The following EYA1 variants were observed in gnomAD, a reference collection of about 807,000 sequenced individuals.
The protein encoded by EYA1 is protein phosphatase EYA1.
EYA1 carries 16 observed loss-of-function variants against 82.0 expected under a neutral mutation model. That is an observed-to-expected ratio of 0.20 (90% confidence interval 0.13 to 0.30). The LOEUF (loss-of-function observed/expected upper bound fraction) is 0.30. Among genes scored for constraint, EYA1 ranks in the 10% least tolerant of loss-of-function variants. The pLI is 1.00. For synonymous variants in EYA1, 261 were observed against 264.4 expected, an observed-to-expected ratio of 0.99 and a Z score of 0.12; for missense variants, 633 against 730.7, an observed-to-expected ratio of 0.87 and a Z score of 1.54.
chr8:71,224,278 C>G (rs1260096241), intron 12 of EYA1, among the ~76,000 whole-genome samples: 1 of 152,198 alleles, frequency 6.6e-6, no homozygotes, highest in Non-Finnish European at 1.5e-5. Flanking sequence ...CATGAGAAAA[C>G]TAACACCATA....
intron 3 of EYA1, among the ~76,000 whole-genome samples, chr8:71,347,568 C>T (rs373672766): frequency 9.9e-5 from 15 of 152,088 alleles, no homozygotes; most frequent in South Asian, 4.2e-4. Context: ...GTGCTCTGCC[C>T]GCCTCAGCCT....
intron 7 of EYA1, among the ~76,000 whole-genome samples, chr8:71,303,803 CG>C (rs1281366409): frequency 7.0e-6 from 1 of 142,512 alleles, no homozygotes. Context: ...TAGGCTCGCC[CG>C]TACATGCTTC....
rs1440817247 is a variant in EYA1, at chr8:71,197,480, T to C, written c.*1860A>G. 6.6e-6 allele frequency: 1 copy of C among 152,504 alleles called. No homozygotes were observed. The highest frequency in any genetic ancestry group is 2.4e-5 in the African/African-American group (1 of 41,450). 9.4% of individuals were successfully genotyped at this position (152,504 alleles called of 1,614,324 possible). ...TTTATTAACTTAAACACAAAATTAATGAAGAAAAATTCTGTACACAACGGT... is the reference window on the plus strand; with the variant it reads ...TTTATTAACTTAAACACAAAATTAACGAAGAAAAATTCTGTACACAACGGT... On this transcript the variant is annotated 3_prime_UTR_variant, in exon 18 of 18. Transcript: ENST00000340726.
At chr8:71,380,123 C>A (rs188716610) in intron 2 of EYA1, among the ~76,000 whole-genome samples, 2 of 152,320 alleles carry the variant, frequency 1.3e-5, no homozygotes, top group African/African-American at 4.8e-5. Flanking sequence ...CTTCTCTCTC[C>A]TTGGATTGGT....
intron 17 of EYA1, chr8:71,204,050 C>T (rs902787549): frequency 6.6e-6 from 1 of 152,126 alleles, no homozygotes; most frequent in African/African-American, 2.4e-5. Flanking sequence ...CAGAGCTACC[C>T]ACAAATCTTA....
intron 1 of EYA1, among the ~76,000 whole-genome samples, chr8:71,537,763 A>G (rs958397439): frequency 1.3e-5 from 2 of 152,146 alleles, no homozygotes; most frequent in Non-Finnish European, 2.9e-5. Context: ...ATTATTTTCC[A>G]TGTGTTTCTT....
intron 2 of EYA1, among the ~76,000 whole-genome samples, chr8:71,529,194 A>C (rs924171140): frequency 2.6e-5 from 4 of 152,216 alleles, no homozygotes; most frequent in African/African-American, 4.8e-5. Flanking sequence ...TCTCTTCACT[A>C]TGCCTAATTG....
At chr8:71,333,945 C>T (rs1179415064) in intron 4 of EYA1, 152 bp downstream of exon 4, 1 of 637,996 alleles carries the variant, frequency 1.6e-6, no homozygotes, top group African/African-American at 1.8e-5. Flanking sequence ...TGACTCTGAG[C>T]AAAGCTATTT....
intron 3 of EYA1, among the ~76,000 whole-genome samples, chr8:71,349,814 T>C (rs191789325): frequency 1.3e-5 from 2 of 151,806 alleles, no homozygotes; most frequent in Non-Finnish European, 2.9e-5. Context: ...ATGTTTTAAA[T>C]TTTTTTTTCT....
At position 71,244,634 on chromosome 8, in the gene EYA1, G is replaced by T; in HGVS notation, c.1109C>A (p.Ala370Glu). The change falls in exon 12 of 18, where the codon GCA becomes GAA. Residue 370 changes from alanine (A) to glutamate (E), a missense_variant. Physicochemically the swap from Ala to Glu is moderately radical, Grantham distance 107. Transcript: ENST00000340726. Reference sequence around the variant, plus strand: ...GTCATTAAAAAATAAATGTGTGTCTGCCAAGTTGAAAATCATTTCTTCCAT... The same window carrying T: ...GTCATTAAAAAATAAATGTGTGTCTTCCAAGTTGAAAATCATTTCTTCCAT... ...LRMEEMIFNLADTHLFFNDLE... is the reference protein window; with the variant it reads ...LRMEEMIFNLEDTHLFFNDLE... 2 of 1,607,750 alleles carry T rather than the reference G, an allele frequency of 1.2e-6. No individual in the cohort carries two copies. Among genetic ancestry groups the T allele is most frequent in the Non-Finnish European group, 1.7e-6 (2 of 1,174,814 alleles).
intron 2 of EYA1, among the ~76,000 whole-genome samples, chr8:71,407,268 TG>T (rs1563581902): frequency 7.3e-6 from 1 of 137,538 alleles, no homozygotes; most frequent in African/African-American, 2.7e-5. Flanking sequence ...ACCACAAAGA[TG>T]GGGAAAAAAC....
At chr8:71,377,039 C>G (rs1253200256) in intron 2 of EYA1, among the ~76,000 whole-genome samples, 1 of 152,162 alleles carries the variant, frequency 6.6e-6, no homozygotes, top group African/African-American at 2.4e-5. Context: ...TTACCCATCA[C>G]TGTCTTCTGT....
intron 2 of EYA1, among the ~76,000 whole-genome samples, chr8:71,368,219 G>C (rs190901470): frequency 8.1e-4 from 115 of 142,354 alleles, no homozygotes; most frequent in African/African-American, 1.3e-3. Flanking sequence ...TTGATAGAGA[G>C]TTACAGGCTG....
intron 11 of EYA1, among the ~76,000 whole-genome samples, chr8:71,265,592 G>A (rs1167152869): frequency 6.6e-6 from 1 of 152,152 alleles, no homozygotes; most frequent in Non-Finnish European, 1.5e-5. Flanking sequence ...CACAGGAGGG[G>A]GACCATGCCT....
At chr8:71,298,455 A>G (rs1276740423) in intron 9 of EYA1, among the ~76,000 whole-genome samples, 1 of 152,236 alleles carries the variant, frequency 6.6e-6, no homozygotes, top group African/African-American at 2.4e-5. Context: ...AATGAGGGGA[A>G]GAGATATCAA....
intron 9 of EYA1, among the ~76,000 whole-genome samples, chr8:71,275,327 C>T (rs895902332): frequency 2.6e-5 from 4 of 152,074 alleles, no homozygotes; most frequent in South Asian, 2.1e-4. Context: ...ATACAAGGTA[C>T]GGGACTTAGG....
At chr8:71,211,664 T>A (rs1420719097) in intron 16 of EYA1, among the ~76,000 whole-genome samples, 1 of 152,204 alleles carries the variant, frequency 6.6e-6, no homozygotes, top group Non-Finnish European at 1.5e-5. Context: ...TTTTAAAAAG[T>A]TTTTTCTTCA....
chr8:71,339,068 C>T (rs1824824615), intron 3 of EYA1, among the ~76,000 whole-genome samples: 1 of 152,178 alleles, frequency 6.6e-6, no homozygotes, highest in South Asian at 2.1e-4. Context: ...AAATGTTCAG[C>T]TGCACCCATG....
chr8:71,374,873 A>G (rs1828280262), intron 2 of EYA1, among the ~76,000 whole-genome samples: 2 of 152,232 alleles, frequency 1.3e-5, no homozygotes, highest in South Asian at 4.1e-4. Context: ...AATTATACTA[A>G]GTGAAATAAG....
Sources: allele counts gnomAD v4.1 joint callset (sites outside exome capture counted in the v4.1 genomes callset), GRCh38; gene constraint gnomAD v4.1.1; transcripts MANE v1.5; gene names NCBI Gene and HGNC (gene_info 2026-07-23, HGNC 2026-07-21).